TMTC1: variants seen among roughly 807,000 people sequenced by gnomAD.
TMTC1 encodes the protein protein O-mannosyl-transferase TMTC1.
TMTC1 carries 73 observed loss-of-function variants against 104.8 expected under a neutral mutation model. The ratio of observed to expected loss-of-function variants is 0.70; its 90% confidence interval spans 0.58 to 0.85. TMTC1 has a LOEUF of 0.85. Ranked by LOEUF, TMTC1 falls within the 40% of genes least tolerant of loss-of-function variation. TMTC1 has a pLI of 0.00. For synonymous variants in TMTC1, 434 were observed against 428.7 expected (o/e 1.01, Z -0.15); for missense variants, 1,035 against 1,096.1 (o/e 0.94, Z 0.79).
At chr12:29,608,650 T>C (rs1011916092) in intron 6 of TMTC1, among the ~76,000 whole-genome samples, 4 of 152,130 alleles carry the variant, frequency 2.6e-5, no homozygotes, top group Non-Finnish European at 5.9e-5. Context: ...AGGTGTTAGG[T>C]TTGATTTTTC....
At position 29,629,193 on chromosome 12, in the gene TMTC1, C is replaced by T. The variant is rs1239902023; in HGVS notation, c.1128+3954G>A. Among the ~76,000 whole-genome samples, 12 of 151,730 alleles carry T rather than the reference C, an allele frequency of 7.9e-5. No individual in the cohort carries two copies. In the South Asian group the frequency reaches 8.4e-4, roughly 11 times the overall value. On this transcript the variant is annotated intron_variant, in intron 6 of 17. Coordinates refer to ENST00000539277, the MANE Select transcript of TMTC1 (RefSeq NM_001193451.2). The stretch of plus-strand genomic sequence containing the variant: ...AAAATTAGCCGGGCGTGGTGGCGGG[C>T]GCCTGTAGTCCCTGCTACACGGGAG...
intron 11 of TMTC1, chr12:29,534,300 C>G (rs1043119162): frequency 1.3e-5 from 2 of 152,236 alleles, no homozygotes; most frequent in African/African-American, 2.4e-5. Context: ...TTATGCTCAA[C>G]AGCTGCTTCA....
chr12:29,743,175 C>A (rs966627140), intron 5 of TMTC1, among the ~76,000 whole-genome samples: 1 of 152,192 alleles, frequency 6.6e-6, no homozygotes, highest in Admixed American at 6.5e-5. Flanking sequence ...AACTGAGACA[C>A]AGAGCGTGTA....
intron 5 of TMTC1, among the ~76,000 whole-genome samples, chr12:29,701,376 G>A (rs1941590274): frequency 1.3e-5 from 2 of 152,166 alleles, no homozygotes; most frequent in Admixed American, 1.3e-4. Flanking sequence ...GCAAGGCTGG[G>A]AAACTAAGGC....
In TMTC1 at chr12:29,673,744, C is replaced by CTTTTTTTTTTTTTTTTTTTTTTTTTTTTT. The variant is rs146463669; in HGVS notation, c.939-40409_939-40408insAAAAAAAAAAAAAAAAAAAAAAAAAAAAA. On this transcript the variant is annotated intron_variant, in intron 5 of 17. Transcript: ENST00000539277. ...GATGCTATGGCTGCCAGAGGGACTT[C>CTTTTTTTTTTTTTTTTTTTTTTTTTTTTT]TTTTTTTTTTTTTTTTTTTTTTTTT... is the stretch of plus-strand genomic sequence containing the variant. 7.3e-5 allele frequency among the ~76,000 whole-genome samples: 7 copies of CTTTTTTTTTTTTTTTTTTTTTTTTTTTTT among 95,734 alleles called. 2 individuals carry two copies. Among genetic ancestry groups the CTTTTTTTTTTTTTTTTTTTTTTTTTTTTT allele is most frequent in the African/African-American group, 1.2e-4 (3 of 25,136 alleles). 62.8% of individuals were successfully genotyped at this position (95,734 alleles called of 152,430 possible). A position where few individuals can be genotyped will look rare whatever the true frequency, so the allele number is the denominator to read the frequency against.
chr12:29,520,809 AAAAT>A, intron 11 of TMTC1, 89 bp from the exon 12 acceptor site: 1 of 1,044,848 alleles, frequency 9.6e-7, no homozygotes, highest in Non-Finnish European at 1.4e-6. Context: ...AAGCAAAAAA[AAAAT>A]AAATCTTACT....
chr12:29,515,263 C>T (rs1167565985), intron 15 of TMTC1, among the ~76,000 whole-genome samples: 1 of 152,064 alleles, frequency 6.6e-6, no homozygotes, highest in Non-Finnish European at 1.5e-5. Context: ...GACCATTCTG[C>T]CCCCAGCACC....
At chr12:29,710,916 A>AATATATAAATATATTAATAATATATAAAT (rs1941899545) in intron 5 of TMTC1, among the ~76,000 whole-genome samples, 177 of 52,316 alleles carry the variant, frequency 3.4e-3, no homozygotes, top group African/African-American at 9.6e-3. Flanking sequence ...ATAATATATA[A>AATATATAAATATATTAATAATATATAAAT]ATATATATAA....
chr12:29,506,998 A>G lies in TMTC1; in HGVS notation c.2509-12T>C. The G allele has an allele frequency of 6.2e-7, 1 of 1,611,348 alleles. No individual in the cohort carries two copies. Among genetic ancestry groups the G allele is most frequent in the Non-Finnish European group, 8.5e-7 (1 of 1,177,564 alleles). ...GACACATATTTTCCCTGGGGGTGGG[A>G]AAGAGGGAGCAATTACATTCTGATC... On this transcript the variant is annotated splice_polypyrimidine_tract_variant and intron_variant, in intron 17 of 17. Coordinates refer to ENST00000539277, the MANE Select transcript of TMTC1 (RefSeq NM_001193451.2).
At chr12:29,610,422 C>T (rs1946815518) in intron 6 of TMTC1, among the ~76,000 whole-genome samples, 1 of 152,156 alleles carries the variant, frequency 6.6e-6, no homozygotes, top group African/African-American at 2.4e-5. Context: ...GGGGTTGAAA[C>T]CAATTTCTCA....
chr12:29,571,369 T>C lies in TMTC1; in HGVS notation c.1532+736A>G, dbSNP rs150832209. Reference sequence around the variant, plus strand: ...AAGTCAGAGCTGCAATTCAAAAGAGTACCTGAAGCGGAAGTACCCAACCAG... The same window carrying C: ...AAGTCAGAGCTGCAATTCAAAAGAGCACCTGAAGCGGAAGTACCCAACCAG... On this transcript the variant is annotated intron_variant, in intron 9 of 17. Transcript: ENST00000539277. 2.9e-4 allele frequency among the ~76,000 whole-genome samples: 44 copies of C among 151,912 alleles called. No homozygotes were observed. The East Asian group carries it at 7.8e-3, about 27-fold the overall frequency.
At chr12:29,643,516 A>AATATAAAATATATTATATATTTTAT (rs1938982635) in intron 5 of TMTC1, among the ~76,000 whole-genome samples, 1 of 41,578 alleles carries the variant, frequency 2.4e-5, no homozygotes, top group Non-Finnish European at 4.7e-5. Context: ...TTTTATATAT[A>AATATAAAATATATTATATATTTTAT]ATATAATATA....
intron 5 of TMTC1, among the ~76,000 whole-genome samples, chr12:29,723,892 A>T (rs568625556): frequency 3.3e-4 from 50 of 152,332 alleles, no homozygotes; most frequent in African/African-American, 1.1e-3. Context: ...GATGGAAGGA[A>T]AAAAGTAAAG....
chr12:29,772,065 C>T (rs1490865954), intron 1 of TMTC1, among the ~76,000 whole-genome samples: 3 of 152,138 alleles, frequency 2.0e-5, no homozygotes, highest in Non-Finnish European at 2.9e-5. Context: ...AACTACAATC[C>T]AATAAAGATG....
intron 5 of TMTC1, among the ~76,000 whole-genome samples, chr12:29,687,079 C>T (rs1591925767): frequency 6.6e-6 from 1 of 152,256 alleles, no homozygotes; most frequent in East Asian, 1.9e-4. Flanking sequence ...CACCATTTGG[C>T]AACCACAATA....
At chr12:29,679,798 C>T (rs917850683) in intron 5 of TMTC1, among the ~76,000 whole-genome samples, 2 of 152,074 alleles carry the variant, frequency 1.3e-5, no homozygotes, top group South Asian at 2.1e-4. Flanking sequence ...AGAGAGACCT[C>T]AGGACTAGAG....
chr12:29,762,072 G>A (rs1000662105), intron 2 of TMTC1, among the ~76,000 whole-genome samples: 9 of 152,120 alleles, frequency 5.9e-5, no homozygotes, highest in African/African-American at 1.7e-4. Context: ...CCAGCTACTC[G>A]GGAGGCTGAG....
intron 5 of TMTC1, among the ~76,000 whole-genome samples, chr12:29,664,227 A>ATAAAAT (rs200246066): frequency 1.3e-5 from 2 of 151,318 alleles, no homozygotes; most frequent in South Asian, 2.1e-4. Context: ...AAAAAATAAA[A>ATAAAAT]AAAATAAAAT....
rs1946913747 is a variant in TMTC1, at chr12:29,614,006, A to G, written c.1129-9707T>C. 18 of 800,884 alleles carry G rather than the reference A, an allele frequency of 2.2e-5. No individual in the cohort carries two copies. In the South Asian group the frequency reaches 1.0e-3, roughly 46 times the overall value. 49.6% of individuals were successfully genotyped at this position (800,884 alleles called of 1,614,324 possible). A position where few individuals can be genotyped will look rare whatever the true frequency, so the allele number is the denominator to read the frequency against. On this transcript the variant is annotated intron_variant, in intron 6 of 17. Transcript: ENST00000539277. ...ATTAATAAGGAGAAAGAACCATAAA[A>G]AAGTTCACACAGTTTCACTCTCCTA... is the stretch of plus-strand genomic sequence containing the variant.
Sources: allele counts gnomAD v4.1 joint callset (sites outside exome capture counted in the v4.1 genomes callset), GRCh38; gene constraint gnomAD v4.1.1; transcripts MANE v1.5; gene names NCBI Gene and HGNC (gene_info 2026-07-23, HGNC 2026-07-21).